Variants in ARHGEF10 observed in about 807,000 individuals in gnomAD.
ARHGEF10 encodes the protein Rho guanine nucleotide exchange factor 10.
Under a neutral mutation model 147.4 loss-of-function variants are expected in ARHGEF10, and 140 were observed. The ratio of observed to expected loss-of-function variants is 0.95; its 90% CI spans 0.83 to 1.09. The LOEUF is 1.09. Among genes scored for constraint, ARHGEF10 ranks in the 50% least tolerant of loss-of-function variants. The pLI is 0.00. For synonymous variants in ARHGEF10, 902 were observed against 695.8 expected (o/e 1.30, Z -4.67); for missense variants, 2,222 against 1,752.7 (o/e 1.27, Z -4.78).
At chr8:1,939,382 A>G (rs1014744434) in intron 26 of ARHGEF10, among the ~76,000 whole-genome samples, 2 of 152,244 alleles carry the variant, frequency 1.3e-5, no homozygotes, top group Non-Finnish European at 2.9e-5. Flanking sequence ...TGGTTAAGAC[A>G]TTGATGACAC....
chr8:1,955,563 A>T (rs1050641482), intron 28 of ARHGEF10, among the ~76,000 whole-genome samples: 21 of 146,970 alleles, frequency 1.4e-4, no homozygotes, highest in African/African-American at 5.1e-4. Flanking sequence ...GTTTCTCTGG[A>T]TGGGTAGCTA....
At chr8:1,869,565 A>C (rs1806916090) in intron 7 of ARHGEF10, 1 of 477,320 alleles carries the variant, frequency 2.1e-6, no homozygotes, top group African/African-American at 1.9e-5. Flanking sequence ...CGAATAAATG[A>C]CATCAGTGAG....
chr8:1,914,762 G>A (rs1274261264), intron 18 of ARHGEF10, among the ~76,000 whole-genome samples: 3 of 152,164 alleles, frequency 2.0e-5, no homozygotes, highest in East Asian at 1.9e-4. Flanking sequence ...GCCAGGACTC[G>A]GCGCTGGTTT....
At chr8:1,934,881 T>A (rs907707239) in intron 26 of ARHGEF10, among the ~76,000 whole-genome samples, 1 of 152,166 alleles carries the variant, frequency 6.6e-6, no homozygotes, top group African/African-American at 2.4e-5. Context: ...TATCAAATAT[T>A]TATGGAGGAA....
intron 1 of ARHGEF10, among the ~76,000 whole-genome samples, chr8:1,841,952 TG>T (rs1270505247): frequency 2.6e-5 from 2 of 78,218 alleles, no homozygotes; most frequent in Non-Finnish European, 4.6e-5. Context: ...CGACCGGAAC[TG>T]GGGCCGCGAC....
In ARHGEF10 at chr8:1,859,971, A is replaced by G; in HGVS notation, c.268A>G (p.Asn90Asp). ...PTKLVLPMKVNPYSVIDITPF... is the reference protein window; with the variant it reads ...PTKLVLPMKVDPYSVIDITPF... ...TAAGCTGGTGCTCCCGATGAAAGTC[A>G]ACCCATATTCTGTCATCGACATCAC... The change falls in exon 4 of 29, where the codon AAC (asparagine) becomes GAC (aspartate). Residue 90 changes from asparagine (N) to aspartate (D), a missense_variant. Coordinates refer to ENST00000349830, the MANE Select transcript of ARHGEF10 (RefSeq NM_014629.4). The G allele has an allele frequency of 6.2e-7, 1 of 1,614,164 alleles. No individual in the cohort carries two copies. Among genetic ancestry groups the G allele is most frequent in the Non-Finnish European group, 8.5e-7 (1 of 1,180,016 alleles).
At chr8:1,846,597 A>G (rs924305391) in intron 2 of ARHGEF10, among the ~76,000 whole-genome samples, 37 of 151,188 alleles carry the variant, frequency 2.4e-4, no homozygotes, top group Non-Finnish European at 4.4e-4. Flanking sequence ...TTTTTTTTTG[A>G]GACGGAGTCT....
rs1815669854 is a variant in ARHGEF10 at position 1,957,394 on chromosome 8, C to T, written c.*131C>T. The T allele has an allele frequency of 8.6e-6, 11 of 1,277,460 alleles. 1 individual carries two copies. Among genetic ancestry groups the T allele is most frequent in the South Asian group, 5.5e-5 (4 of 72,882 alleles). The allele number at this position is 1,277,460 out of a possible 1,614,324, so 79.1% of individuals were successfully genotyped here. On this transcript the variant is annotated 3_prime_UTR_variant, in exon 29 of 29. Coordinates refer to ENST00000349830, the MANE Select transcript of ARHGEF10 (RefSeq NM_014629.4). ...TTAAAAACAGTATTTGGGGGAGAAA[C>T]GTGCAATAGCGTAATGGTGGTGTCC...
chr8:1,885,542 T>C, intron 10 of ARHGEF10, 59 bp from the exon 11 acceptor site: 2 of 1,187,064 alleles, frequency 1.7e-6, no homozygotes, highest in Non-Finnish European at 2.5e-6. Context: ...TACTGTACTG[T>C]AGTGTTGTGA....
At position 1,874,167 on chromosome 8, in the gene ARHGEF10, G is replaced by T. The variant is rs868411706; in HGVS notation, c.680-2404G>T. ...AAGTGAGTAATTCACTGAATTGATG[G>T]TTAGCAAGACCCTTCAAAGTCCTTG... On this transcript the variant is annotated intron_variant, in intron 7 of 28. Coordinates refer to ENST00000349830, the MANE Select transcript of ARHGEF10 (RefSeq NM_014629.4). Among the ~76,000 whole-genome samples, 14 of 152,194 alleles carry T rather than the reference G, an allele frequency of 9.2e-5. No homozygotes were observed. In the South Asian group the frequency reaches 1.9e-3, roughly 20 times the overall value.
chr8:1,950,009 G>T (rs1814900747), intron 27 of ARHGEF10, among the ~76,000 whole-genome samples: 1 of 152,180 alleles, frequency 6.6e-6, no homozygotes, highest in African/African-American at 2.4e-5. Flanking sequence ...GGCGGGAGAT[G>T]CGTCTGCCTC....
At chr8:1,933,242 GTA>G (rs1813294812) in intron 25 of ARHGEF10, among the ~76,000 whole-genome samples, 2 of 152,322 alleles carry the variant, frequency 1.3e-5, no homozygotes, top group East Asian at 3.9e-4. Flanking sequence ...TCGTGATGCA[GTA>G]TAGAGCAAGG....
At position 1,923,551 on chromosome 8, in the gene ARHGEF10, G is replaced by A. The variant is rs745635525; in HGVS notation, c.2343G>A (p.Ala781=). ...AGAAAGAAGATGAAATCAGAGCTGC[G>A]GACTGCTGCAGAATTCAGTTACAGC... ...ILKKEDEIRA[A]DCCRIQLQLP... The change falls in exon 20 of 29, where the codon GCG becomes GCA. Residue 781 remains alanine (A), a synonymous_variant. Coordinates refer to ENST00000349830, the MANE Select transcript of ARHGEF10 (RefSeq NM_014629.4). 6 of 1,613,938 alleles carry A rather than the reference G, an allele frequency of 3.7e-6. No individual in the cohort carries two copies. In the African/African-American group the frequency reaches 5.3e-5, roughly 14 times the overall value.
intron 25 of ARHGEF10, among the ~76,000 whole-genome samples, chr8:1,929,829 G>C (rs935581313): frequency 2.0e-5 from 3 of 151,906 alleles, no homozygotes; most frequent in South Asian, 2.1e-4. Flanking sequence ...CCCCGGTGCT[G>C]TGCCCTCGGT....
chr8:1,860,272 T>C (rs1241597989), intron 4 of ARHGEF10, 88 bp downstream of exon 4: 1 of 1,474,136 alleles, frequency 6.8e-7, no homozygotes, highest in Non-Finnish European at 9.3e-7. Context: ...TTCCCTCCTC[T>C]GCATGCCCCG....
intron 28 of ARHGEF10, among the ~76,000 whole-genome samples, chr8:1,954,381 G>T (rs923396321): frequency 3.3e-5 from 5 of 152,104 alleles, no homozygotes; most frequent in Non-Finnish European, 7.3e-5. Context: ...TCGACGTGAT[G>T]CTGAAAGGCA....
chr8:1,909,391 C>G lies in ARHGEF10; in HGVS notation c.2064C>G (p.Ser688Arg), dbSNP rs750502328. 6.2e-7 allele frequency: 1 copy of G among 1,614,154 alleles called. No homozygotes were observed. ...GHVDAIEYGS[S>R]AGTGEHSRHL... The stretch of plus-strand genomic sequence containing the variant: ...TGGACGCCATCGAGTATGGCAGCAG[C>G]GCAGGCACGGGCGAGCACAGCAGGC... Residue 688 changes from serine (S) to arginine (R), a missense_variant, in exon 18 of 29, where the codon AGC becomes AGG. Ser to Arg is a moderately radical substitution (Grantham distance 110). Transcript: ENST00000349830.
chr8:1,893,538 T>G (rs1398957208), intron 11 of ARHGEF10, 31 bp from the exon 12 acceptor site: 4 of 1,490,876 alleles, frequency 2.7e-6, no homozygotes, highest in Non-Finnish European at 3.7e-6. Flanking sequence ...TAAAGCAGTT[T>G]TCTATCATTG....
intron 7 of ARHGEF10, among the ~76,000 whole-genome samples, chr8:1,874,996 G>C (rs1195541805): frequency 1.3e-4 from 4 of 29,764 alleles, no homozygotes; most frequent in Non-Finnish European, 1.3e-4. Flanking sequence ...TCTGGTGGGA[G>C]AGTGCAGACA....
Sources: allele counts gnomAD v4.1 joint callset (sites outside exome capture counted in the v4.1 genomes callset), GRCh38; gene constraint gnomAD v4.1.1; transcripts MANE v1.5; gene names NCBI Gene and HGNC (gene_info 2026-07-23, HGNC 2026-07-21).